Variants in ZHX2 observed in about 807,000 individuals in gnomAD.
The protein encoded by ZHX2 is zinc fingers and homeoboxes 2.
A neutral mutation model predicts 21.9 loss-of-function variants in ZHX2; 6 were observed. That is an observed-to-expected ratio of 0.27 (90% CI 0.15 to 0.54). The LOEUF (loss-of-function observed/expected upper bound fraction) is 0.54. Ranked by LOEUF, ZHX2 falls within the 20% of genes least tolerant of loss-of-function variation. ZHX2 has a pLI of 0.95. For synonymous variants in ZHX2, 434 were observed against 437.1 expected, an observed-to-expected ratio of 0.99 and a Z score of 0.09; for missense variants, 908 against 1,090.7, an observed-to-expected ratio of 0.83 and a Z score of 2.36.
chr8:122,795,968 C>T (rs533147747), intron 1 of ZHX2, among the ~76,000 whole-genome samples: 2 of 152,184 alleles, frequency 1.3e-5, no homozygotes, highest in South Asian at 2.1e-4. Context: ...GTCAGGAGTT[C>T]GGGACCAGCG....
At chr8:122,808,440 G>A (rs1817863636) in intron 1 of ZHX2, among the ~76,000 whole-genome samples, 1 of 152,088 alleles carries the variant, frequency 6.6e-6, no homozygotes, top group Non-Finnish European at 1.5e-5. Flanking sequence ...AAGCAAAAGG[G>A]GGAAAAGCCC....
At chr8:122,854,275 G>A (rs897542903) in intron 1 of ZHX2, among the ~76,000 whole-genome samples, 19 of 152,344 alleles carry the variant, frequency 1.2e-4, no homozygotes, top group African/African-American at 4.1e-4. Flanking sequence ...GGACTTGTAC[G>A]AATGCAGCTT....
At chr8:122,835,949 C>G (rs564766391) in intron 1 of ZHX2, among the ~76,000 whole-genome samples, 2 of 152,210 alleles carry the variant, frequency 1.3e-5, no homozygotes, top group East Asian at 3.9e-4. Flanking sequence ...AGATATCTTG[C>G]CTGAGGCCTA....
intron 1 of ZHX2, among the ~76,000 whole-genome samples, chr8:122,839,672 AAGTTGTAC>A (rs1180429184): frequency 1.3e-5 from 2 of 152,162 alleles, no homozygotes; most frequent in Non-Finnish European, 2.9e-5. Context: ...AAATCACTGC[AAGTTGTAC>A]AGTCCCCAGG....
intron 3 of ZHX2, among the ~76,000 whole-genome samples, chr8:122,963,264 T>C (rs1813501261): frequency 6.6e-6 from 1 of 152,230 alleles, no homozygotes; most frequent in South Asian, 2.1e-4. Flanking sequence ...CGTCTTAGAT[T>C]TAAGTCTTTT....
At chr8:122,809,217 T>G (rs9642865) in intron 1 of ZHX2, 90,137 of 152,462 alleles carry the variant, frequency 0.59, 27,118 homozygotes, top group African/African-American at 0.69. Context: ...AGGAGTTGGG[T>G]CCAGGTACAG....
chr8:122,844,028 G>A (rs150239078), intron 1 of ZHX2, among the ~76,000 whole-genome samples: 15 of 151,114 alleles, frequency 9.9e-5, no homozygotes, highest in Admixed American at 4.6e-4. Context: ...TTTTACATCC[G>A]CAAGGACCTC....
chr8:122,858,178 G>T (rs543193473), intron 1 of ZHX2, among the ~76,000 whole-genome samples: 12 of 152,292 alleles, frequency 7.9e-5, no homozygotes, highest in African/African-American at 2.6e-4. Flanking sequence ...GCCAGGGTTG[G>T]CTTCTCTGTC....
intron 1 of ZHX2, among the ~76,000 whole-genome samples, chr8:122,862,133 C>T (rs1221935567): frequency 6.6e-6 from 1 of 152,142 alleles, no homozygotes; most frequent in Non-Finnish European, 1.5e-5. Context: ...AGTGCTCTGC[C>T]CGATACCCGA....
chr8:122,905,009 C>T (rs1267222604), intron 2 of ZHX2, among the ~76,000 whole-genome samples: 1 of 152,172 alleles, frequency 6.6e-6, no homozygotes, highest in Non-Finnish European at 1.5e-5. Flanking sequence ...TAAAAACTCA[C>T]TGGATGACCT....
At chr8:122,793,804 C>T (rs1228534667) in intron 1 of ZHX2, among the ~76,000 whole-genome samples, 1 of 152,188 alleles carries the variant, frequency 6.6e-6, no homozygotes, top group Non-Finnish European at 1.5e-5. Context: ...CTTGGGGGGC[C>T]CTGCCTCTGG....
intron 2 of ZHX2, among the ~76,000 whole-genome samples, chr8:122,913,796 C>T (rs540924725): frequency 1.8e-4 from 27 of 152,316 alleles, no homozygotes; most frequent in African/African-American, 6.3e-4. Flanking sequence ...GAGCCAGTGA[C>T]CCCCTTACTT....
chr8:122,834,685 G>A (rs926002811), intron 1 of ZHX2, among the ~76,000 whole-genome samples: 2 of 152,208 alleles, frequency 1.3e-5, no homozygotes, highest in African/African-American at 4.8e-5. Context: ...TATCGGTGGT[G>A]GATTGGGAGA....
intron 2 of ZHX2, among the ~76,000 whole-genome samples, chr8:122,879,845 T>C (rs1226391197): frequency 6.6e-6 from 1 of 152,176 alleles, no homozygotes; most frequent in East Asian, 1.9e-4. Flanking sequence ...CTTGCCTTCA[T>C]GATAGTGTTG....
rs533795243 is a variant in ZHX2 at position 122,811,702 on chromosome 8, G to C, written c.-283+29756G>C. Among the ~76,000 whole-genome samples, 3 of 152,322 alleles carry C rather than the reference G, an allele frequency of 2.0e-5. No homozygotes were observed. The South Asian group carries it at 6.2e-4, about 32-fold the overall frequency. The stretch of plus-strand genomic sequence containing the variant: ...AATCAGGCCTTTAGTCCACTTTCAG[G>C]GGGGAAGAGAAGGAAGGTGGGATGG... On this transcript the variant is annotated intron_variant, in intron 1 of 3. Transcript: ENST00000314393.
chr8:122,941,271 TG>T (rs1323145168), intron 2 of ZHX2, among the ~76,000 whole-genome samples: 23 of 152,278 alleles, frequency 1.5e-4, no homozygotes, highest in African/African-American at 5.5e-4. Context: ...TGTAAAAGAT[TG>T]TGCATGTAAA....
chr8:122,793,654 T>C (rs1316718557), intron 1 of ZHX2, among the ~76,000 whole-genome samples: 7 of 152,222 alleles, frequency 4.6e-5, no homozygotes, highest in African/African-American at 1.7e-4. Context: ...GGGAAATCAA[T>C]TTTGAGAATT....
At chr8:122,972,670 T>C (rs940096181) in intron 3 of ZHX2, among the ~76,000 whole-genome samples, 6 of 152,238 alleles carry the variant, frequency 3.9e-5, no homozygotes, top group African/African-American at 1.4e-4. Flanking sequence ...CAGAAGTATC[T>C]ACAATACTTA....
rs180713221 is a variant in ZHX2 at position 122,804,253 on chromosome 8, C to T, written c.-283+22307C>T. Among the ~76,000 whole-genome samples, 128 of 152,254 alleles carry T rather than the reference C, an allele frequency of 8.4e-4. 2 individuals are homozygous for T. Among genetic ancestry groups the T allele is most frequent in the African/African-American group, 2.6e-3 (109 of 41,546 alleles). Reference sequence around the variant, plus strand: ...CCTCCCAAGCAGCTGGGACCACAGGCGTGCACCACTGTGCCTGGCTAATTT... The same window carrying T: ...CCTCCCAAGCAGCTGGGACCACAGGTGTGCACCACTGTGCCTGGCTAATTT... On this transcript the variant is annotated intron_variant, in intron 1 of 3. Coordinates refer to ENST00000314393, the MANE Select transcript of ZHX2 (RefSeq NM_014943.5).
Sources: allele counts gnomAD v4.1 joint callset (sites outside exome capture counted in the v4.1 genomes callset), GRCh38; gene constraint gnomAD v4.1.1; transcripts MANE v1.5; gene names NCBI Gene and HGNC (gene_info 2026-07-23, HGNC 2026-07-21).